Variants in HDAC9 observed in about 807,000 individuals in gnomAD.
The protein encoded by HDAC9 is histone deacetylase 9, also known as MEF-2 interacting transcription repressor (MITR) protein.
Under a neutral mutation model 139.4 loss-of-function variants are expected in HDAC9, and 41 were observed. The ratio of observed to expected loss-of-function variants is 0.29; its 90% CI spans 0.23 to 0.38. The LOEUF is 0.38. HDAC9 is among the 10% of genes least tolerant of loss of function. HDAC9 has a pLI of 1.00. For synonymous variants in HDAC9, 517 were observed against 476.2 expected (o/e 1.09, Z -1.12); for missense variants, 1,147 against 1,297.0 (o/e 0.88, Z 1.78).
At chr7:18,193,199 A>T (rs1790480194) in intron 2 of HDAC9, among the ~76,000 whole-genome samples, 1 of 152,188 alleles carries the variant, frequency 6.6e-6, no homozygotes, top group Non-Finnish European at 1.5e-5. Flanking sequence ...CAAGGGGAAA[A>T]GAACAGAATA....
At chr7:18,275,331 T>G (rs1194733867) in intron 2 of HDAC9, among the ~76,000 whole-genome samples, 3 of 152,192 alleles carry the variant, frequency 2.0e-5, no homozygotes, top group African/African-American at 7.2e-5. Context: ...TGCTTAGATT[T>G]TCAAAATAGC....
Position 18,103,899 on chromosome 7 carries a change from C to A in HDAC9, c.-97+16686C>A, listed in dbSNP as rs966112903. Among the ~76,000 whole-genome samples, 5 of 152,212 alleles carry A rather than the reference C, an allele frequency of 3.3e-5. No individual in the cohort carries two copies. The East Asian group carries it at 9.6e-4, about 29-fold the overall frequency. On this transcript the variant is annotated intron_variant, in intron 1 of 12. Coordinates refer to the HDAC9 transcript ENST00000417496. ...AGTCTGAAAATTGTTTACCCACTTACACCAATTCATGGTCTTGGGTGGCCA... is the reference window on the plus strand; with the variant it reads ...AGTCTGAAAATTGTTTACCCACTTAAACCAATTCATGGTCTTGGGTGGCCA...
intron 1 of HDAC9, among the ~76,000 whole-genome samples, chr7:18,295,057 G>C (rs1798052604): frequency 6.6e-6 from 1 of 152,060 alleles, no homozygotes; most frequent in African/African-American, 2.4e-5. Context: ...AAACATTCAA[G>C]GGAAGATGTC....
At chr7:18,326,429 A>G (rs1562880581) in intron 1 of HDAC9, among the ~76,000 whole-genome samples, 1 of 151,972 alleles carries the variant, frequency 6.6e-6, no homozygotes, top group African/African-American at 2.4e-5. Context: ...TATTTATATT[A>G]TTTTCTTGGT....
chr7:18,642,337 C>A (rs1785921875), intron 8 of HDAC9, among the ~76,000 whole-genome samples: 1 of 152,076 alleles, frequency 6.6e-6, no homozygotes, highest in African/African-American at 2.4e-5. Flanking sequence ...TTCCTCTTCT[C>A]CTCCAAAGCC....
In HDAC9 at chr7:18,821,191, A is replaced by T. The variant is rs1039528596; in HGVS notation, c.2323-7970A>T. Among the ~76,000 whole-genome samples the T allele has an allele frequency of 2.0e-5, 3 of 152,358 alleles. No homozygotes were observed. In the South Asian group the frequency reaches 6.2e-4, roughly 32 times the overall value. On this transcript the variant is annotated intron_variant, in intron 17 of 25. Coordinates refer to ENST00000686413, the MANE Select transcript of HDAC9 (RefSeq NM_178425.4). Reference sequence around the variant, plus strand: ...ATGGCCTTATCCGATTTATGATAGGAAATGCTCTCATGACCTCATCGCTGC... The same window carrying T: ...ATGGCCTTATCCGATTTATGATAGGTAATGCTCTCATGACCTCATCGCTGC...
At chr7:18,973,792 G>A (rs1448344361) in intron 24 of HDAC9, among the ~76,000 whole-genome samples, 1 of 152,114 alleles carries the variant, frequency 6.6e-6, no homozygotes, top group Admixed American at 6.5e-5. Flanking sequence ...CTGTTACTTC[G>A]TTTTGGATTA....
At chr7:18,927,386 C>T (rs1563061955) in intron 22 of HDAC9, among the ~76,000 whole-genome samples, 1 of 152,102 alleles carries the variant, frequency 6.6e-6, no homozygotes, top group Non-Finnish European at 1.5e-5. Context: ...CATGAGACTG[C>T]CACATGCTAC....
At chr7:18,607,221 G>A (rs527913234) in intron 6 of HDAC9, among the ~76,000 whole-genome samples, 58 of 152,302 alleles carry the variant, frequency 3.8e-4, no homozygotes, top group African/African-American at 1.3e-3. Context: ...AGTATCAAAT[G>A]ACAATTGTGT....
chr7:18,816,988 GA>G (rs1164630476), intron 17 of HDAC9, among the ~76,000 whole-genome samples: 6 of 150,802 alleles, frequency 4.0e-5, no homozygotes, highest in Non-Finnish European at 8.9e-5. Flanking sequence ...ATAAAAGGGG[GA>G]AAATTCTTAT....
At chr7:18,205,978 C>A (rs73062451) in intron 2 of HDAC9, among the ~76,000 whole-genome samples, 5,201 of 152,162 alleles carry the variant, frequency 0.034, 158 homozygotes, top group East Asian at 0.16. Flanking sequence ...AGAAATACTG[C>A]ACACAGATAC....
intron 1 of HDAC9, among the ~76,000 whole-genome samples, chr7:18,430,004 T>A (rs1314938029): frequency 2.6e-5 from 4 of 152,192 alleles, no homozygotes; most frequent in Admixed American, 2.0e-4. Context: ...ATACATTAGG[T>A]ATTTAATATT....
chr7:18,123,086 CCAATACCTATTTAATTTGTA>C (rs1784453621), intron 1 of HDAC9, among the ~76,000 whole-genome samples: 1 of 152,074 alleles, frequency 6.6e-6, no homozygotes, highest in East Asian at 1.9e-4. Flanking sequence ...AATAAATAGC[CCAATACCTATTTAATTTGTA>C]AAGTAATTCC....
At chr7:18,980,758 C>T (rs1784880514) in intron 25 of HDAC9, among the ~76,000 whole-genome samples, 4 of 140,922 alleles carry the variant, frequency 2.8e-5, no homozygotes, top group African/African-American at 8.6e-5. Flanking sequence ...TCTTCTTCTT[C>T]CTTCTTCTTC....
intron 24 of HDAC9, among the ~76,000 whole-genome samples, chr7:18,971,428 C>G (rs1784237263): frequency 6.6e-6 from 1 of 152,202 alleles, no homozygotes; most frequent in African/African-American, 2.4e-5. Flanking sequence ...CCTGAAAACC[C>G]TAGCAGTCAA....
intron 1 of HDAC9, among the ~76,000 whole-genome samples, chr7:18,372,704 A>T (rs935918078): frequency 6.6e-6 from 1 of 152,182 alleles, no homozygotes; most frequent in African/African-American, 2.4e-5. Flanking sequence ...CTAGTCTGTG[A>T]TCTACCAGGG....
chr7:18,735,998 T>C (rs900438304), intron 13 of HDAC9, among the ~76,000 whole-genome samples: 2 of 152,206 alleles, frequency 1.3e-5, no homozygotes, highest in African/African-American at 4.8e-5. Context: ...TTGTAGTAAT[T>C]GTGAATGGGA....
intron 23 of HDAC9, among the ~76,000 whole-genome samples, chr7:18,944,943 C>A (rs1270405051): frequency 6.6e-6 from 1 of 152,096 alleles, no homozygotes; most frequent in Non-Finnish European, 1.5e-5. Context: ...TTTACATATT[C>A]TGCTTTTGAC....
chr7:18,235,862 A>G lies in HDAC9; in HGVS notation c.25+73513A>G, dbSNP rs146569283. 6.4e-4 allele frequency among the ~76,000 whole-genome samples: 98 copies of G among 152,320 alleles called. 2 individuals are homozygous for G. The East Asian group carries it at 0.018, about 27-fold the overall frequency. On this transcript the variant is annotated intron_variant, in intron 2 of 12. Coordinates refer to the HDAC9 transcript ENST00000417496. Reference sequence around the variant, plus strand: ...ACTGTATACTGGATCAATACTATGTAACAAGCTACAGGTTACAACCAAGGG... The same window carrying G: ...ACTGTATACTGGATCAATACTATGTGACAAGCTACAGGTTACAACCAAGGG...
Sources: gnomAD v4.1 joint callset for allele counts (sites outside exome capture counted in the v4.1 genomes callset) on GRCh38, gnomAD v4.1.1 for gene constraint, MANE v1.5 for transcripts, NCBI Gene and HGNC (gene_info 2026-07-23, HGNC 2026-07-21) for gene names.